Variants in MICU1 observed in about 807,000 individuals in gnomAD.
MICU1 encodes the protein calcium uptake protein 1, mitochondrial.
In MICU1, 45 loss-of-function variants were observed where a neutral mutation model predicts 56.8. The ratio of observed to expected loss-of-function variants is 0.79; its 90% CI spans 0.62 to 1.02. MICU1 has a LOEUF of 1.02. Ranked by LOEUF, MICU1 falls within the 50% of genes least tolerant of loss-of-function variation. MICU1 has a pLI of 0.00. For missense variants in MICU1, 504 were observed against 587.1 expected, an observed-to-expected ratio of 0.86 and a Z score of 1.46; for synonymous variants, 186 against 195.1, an observed-to-expected ratio of 0.95 and a Z score of 0.39.
At chr10:72,411,642 GAGTTA>G (rs1202180376) in intron 9 of MICU1, among the ~76,000 whole-genome samples, 1 of 152,112 alleles carries the variant, frequency 6.6e-6, no homozygotes, top group African/African-American at 2.4e-5. Context: ...AATCCTGTAG[GAGTTA>G]GAGAGTTAGG....
intron 10 of MICU1, among the ~76,000 whole-genome samples, chr10:72,399,711 C>T (rs552938177): frequency 6.6e-6 from 1 of 152,008 alleles, no homozygotes; most frequent in African/African-American, 2.4e-5. Context: ...GCCTGTAATC[C>T]CAGCACTTTG....
chr10:72,450,068 G>A lies in MICU1; in HGVS notation c.933+25032C>T, dbSNP rs565364698. ...TGGGAAGCACTAAGGAAATAATGGC[G>A]GGCCCAACACTCTCGTGAAAGTTCT... is the stretch of plus-strand genomic sequence containing the variant. On this transcript the variant is annotated intron_variant, in intron 8 of 11. Transcript: ENST00000361114. Among the ~76,000 whole-genome samples the A allele has an allele frequency of 4.6e-5, 7 of 152,170 alleles. No homozygotes were observed. The East Asian group carries it at 7.7e-4, about 17-fold the overall frequency.
chr10:72,395,151 C>T (rs568819575), intron 10 of MICU1, among the ~76,000 whole-genome samples: 1 of 152,246 alleles, frequency 6.6e-6, no homozygotes, highest in African/African-American at 2.4e-5. Context: ...TACACTCCAG[C>T]CTGGGCAATA....
At chr10:72,589,412 G>A (rs908515607) in intron 1 of MICU1, among the ~76,000 whole-genome samples, 1 of 152,130 alleles carries the variant, frequency 6.6e-6, no homozygotes, top group Non-Finnish European at 1.5e-5. Flanking sequence ...CAAATGGAGG[G>A]TACATTTTAC....
At chr10:72,558,950 C>G (rs1057254906) in intron 3 of MICU1, among the ~76,000 whole-genome samples, 2 of 152,114 alleles carry the variant, frequency 1.3e-5, no homozygotes, top group Admixed American at 6.6e-5. Flanking sequence ...CCCAGAAGTT[C>G]GAGACTGCGG....
intron 3 of MICU1, among the ~76,000 whole-genome samples, chr10:72,559,787 G>A (rs568851990): frequency 1.1e-3 from 165 of 152,300 alleles, no homozygotes; most frequent in African/African-American, 3.5e-3. Flanking sequence ...GTACTGGTCC[G>A]GGGCCTGTTA....
At chr10:72,595,657 T>C (rs1257723878) in intron 1 of MICU1, among the ~76,000 whole-genome samples, 1 of 152,158 alleles carries the variant, frequency 6.6e-6, no homozygotes, top group East Asian at 1.9e-4. Context: ...ACAAAGCTCT[T>C]GGTCCTGCTA....
At chr10:72,531,954 G>A (rs1274368269) in intron 5 of MICU1, among the ~76,000 whole-genome samples, 2 of 146,302 alleles carry the variant, frequency 1.4e-5, no homozygotes, top group Admixed American at 6.9e-5. Flanking sequence ...AGGCTGGAGC[G>A]CAATGGCACA....
intron 6 of MICU1, among the ~76,000 whole-genome samples, chr10:72,488,649 A>G (rs1866552414): frequency 6.6e-6 from 1 of 151,990 alleles, no homozygotes; most frequent in African/African-American, 2.4e-5. Flanking sequence ...TTTTTTCCCC[A>G]CTGCTCCAGT....
At chr10:72,368,408 C>A in intron 11 of MICU1, 53 bp from the exon 12 acceptor site, 1 of 1,561,790 alleles carries the variant, frequency 6.4e-7, no homozygotes, top group Non-Finnish European at 8.8e-7. Flanking sequence ...GGAACAACAC[C>A]ACTGATATAA....
chr10:72,381,538 A>T (rs7918071), intron 10 of MICU1, among the ~76,000 whole-genome samples: 6,492 of 152,248 alleles, frequency 0.043, 357 homozygotes, highest in African/African-American at 0.12. Context: ...TAAGGAGCCA[A>T]GAGCAATGCA....
At chr10:72,377,199 A>C (rs544522764) in intron 10 of MICU1, among the ~76,000 whole-genome samples, 2 of 152,218 alleles carry the variant, frequency 1.3e-5, no homozygotes, top group East Asian at 3.9e-4. Context: ...GGCTCACTGC[A>C]ACCACTGCCT....
At chr10:72,456,270 G>A (rs1018204846) in intron 8 of MICU1, among the ~76,000 whole-genome samples, 4 of 152,168 alleles carry the variant, frequency 2.6e-5, no homozygotes, top group Non-Finnish European at 5.9e-5. Flanking sequence ...TGGGGAAGGC[G>A]GTGAGTATGT....
rs1264453478 is a variant in MICU1, at chr10:72,562,899, C to G, written c.326G>C (p.Arg109Thr). The G allele has an allele frequency of 6.3e-7, 1 of 1,586,916 alleles. No individual in the cohort carries two copies. Among genetic ancestry groups the G allele is most frequent in the Non-Finnish European group, 8.5e-7 (1 of 1,170,620 alleles). The change falls in exon 3 of 12, where the codon AGA becomes ACA. Residue 109 changes from arginine (R) to threonine (T), a missense_variant. Coordinates refer to ENST00000361114, the MANE Select transcript of MICU1 (RefSeq NM_001195518.2). The part of the protein sequence containing the change: ...KKKKRSGFRD[R>T]KVMEYENRIR... ...TTATAAGACTATGTTTCATACTTTT[C>G]TGTCTCTGAATCCAGAACGTTTCTT...
intron 10 of MICU1, among the ~76,000 whole-genome samples, chr10:72,379,177 T>C (rs981376441): frequency 6.6e-6 from 1 of 152,178 alleles, no homozygotes; most frequent in Admixed American, 6.5e-5. Flanking sequence ...GCAATAAGAA[T>C]AGTAACTGTT....
chr10:72,464,124 C>T (rs1316075746), intron 8 of MICU1, among the ~76,000 whole-genome samples: 1 of 151,828 alleles, frequency 6.6e-6, no homozygotes, highest in African/African-American at 2.4e-5. Flanking sequence ...AGTGAAACCT[C>T]GTCTCTACTA....
chr10:72,403,670 T>TGTGTGC (rs1554862082), intron 10 of MICU1, among the ~76,000 whole-genome samples: 251 of 149,700 alleles, frequency 1.7e-3, no homozygotes, highest in East Asian at 0.016. Flanking sequence ...TGTGTGTGTG[T>TGTGTGC]TTTGAGACGG....
intron 1 of MICU1, among the ~76,000 whole-genome samples, chr10:72,614,643 C>T (rs553487012): frequency 6.6e-6 from 1 of 152,260 alleles, no homozygotes; most frequent in South Asian, 2.1e-4. Flanking sequence ...GGATACTATG[C>T]TAAGGGAAAC....
At chr10:72,612,981 T>TA (rs1023335799) in intron 1 of MICU1, among the ~76,000 whole-genome samples, 13 of 151,994 alleles carry the variant, frequency 8.6e-5, no homozygotes, top group African/African-American at 2.7e-4. Context: ...TATTAAAGAT[T>TA]AAAAGTAATT....
Sources: allele counts gnomAD v4.1 joint callset (sites outside exome capture counted in the v4.1 genomes callset), GRCh38; gene constraint gnomAD v4.1.1; transcripts MANE v1.5; gene names NCBI Gene and HGNC (gene_info 2026-07-23, HGNC 2026-07-21).